Variants in WHAMM observed in about 807,000 individuals in gnomAD.
The protein encoded by WHAMM is WASP homolog-associated protein with actin, membranes and microtubules.
Under a neutral mutation model 76.5 loss-of-function variants are expected in WHAMM, and 67 were observed. That is an observed-to-expected ratio of 0.88 (90% CI 0.72 to 1.07). The LOEUF (loss-of-function observed/expected upper bound fraction) is 1.07, where lower values mean the gene tolerates loss of function less well. Among genes scored for constraint, WHAMM ranks in the 50% least tolerant of loss-of-function variants. The pLI is 0.00. For missense variants in WHAMM, 1,021 were observed against 1,051.1 expected (o/e 0.97, Z 0.40); for synonymous variants, 419 against 422.1 (o/e 0.99, Z 0.09).
Position 82,809,972 on chromosome 15 carries a change from C to G in WHAMM, c.246C>G (p.Leu82=), listed in dbSNP as rs1047821588. Residue 82 remains leucine, a synonymous_variant, in exon 1 of 10, where the codon CTC becomes CTG. Transcript: ENST00000286760. ...CCCCGTCCAGCTGGGCCGGCCTGCTCTCGGCCGCGGGGCTCCGCGGCGCGC... is the reference window on the plus strand; with the variant it reads ...CCCCGTCCAGCTGGGCCGGCCTGCTGTCGGCCGCGGGGCTCCGCGGCGCGC... ...AVSPSSWAGL[L]SAAGLRGAHR... is the part of the protein sequence containing the mutation. 1.5e-6 allele frequency: 2 copies of G among 1,315,080 alleles called. No individual in the cohort carries two copies. The highest frequency in any genetic ancestry group is 1.9e-6 in the Non-Finnish European group (2 of 1,032,340). 81.5% of individuals were successfully genotyped at this position (1,315,080 alleles called of 1,614,324 possible).
intron 5 of WHAMM, among the ~76,000 whole-genome samples, chr15:82,822,158 T>TA (rs949416085): frequency 2.0e-5 from 3 of 152,026 alleles, no homozygotes; most frequent in African/African-American, 7.2e-5. Flanking sequence ...AGCATGGCTT[T>TA]AAAAAAAATC....
chr15:82,816,145 A>T (rs1359460779), intron 2 of WHAMM, among the ~76,000 whole-genome samples: 1 of 152,186 alleles, frequency 6.6e-6, no homozygotes. Context: ...CTCATGACCT[A>T]ATTACCCCCC....
chr15:82,828,190 A>G (rs1222325397), intron 8 of WHAMM, among the ~76,000 whole-genome samples: 1 of 152,204 alleles, frequency 6.6e-6, no homozygotes. Flanking sequence ...GCCTTGTGAG[A>G]TAGTTTCATC....
chr15:82,810,482 A>G, intron 1 of WHAMM, 147 bp downstream of exon 1: 1 of 1,224,872 alleles, frequency 8.2e-7, no homozygotes, highest in Non-Finnish European at 1.0e-6. Flanking sequence ...CAGTGCCGTC[A>G]CCTGCGCGGG....
At chr15:82,815,134 T>TATATAC (rs2050702219) in intron 2 of WHAMM, among the ~76,000 whole-genome samples, 1 of 33,642 alleles carries the variant, frequency 3.0e-5, no homozygotes, top group Non-Finnish European at 5.0e-5. Context: ...TATATATATA[T>TATATAC]ATATATATAT....
At position 82,824,025 on chromosome 15, in the gene WHAMM, T is replaced by C. The variant is rs562006600; in HGVS notation, c.1458+738T>C. 1.9e-3 allele frequency among the ~76,000 whole-genome samples: 282 copies of C among 152,266 alleles called. 2 individuals carry two copies. Among genetic ancestry groups the C allele is most frequent in the Non-Finnish European group, 1.1e-3 (76 of 68,016 alleles). On this transcript the variant is annotated intron_variant, in intron 6 of 9. Coordinates refer to ENST00000286760, the MANE Select transcript of WHAMM (RefSeq NM_001080435.3). ...CATTATATTTGGTGATTTTTTTTCT[T>C]AATTTTAAAAAATCCATGAATACAT...
rs1005473765 is a variant in WHAMM, at chr15:82,834,845, G to T, written c.*1309G>T. 2 of 152,138 alleles carry T rather than the reference G, an allele frequency of 1.3e-5. No homozygotes were observed. The highest frequency in any genetic ancestry group is 4.8e-5 in the African/African-American group (2 of 41,438). 9.4% of individuals were successfully genotyped at this position (152,138 alleles called of 1,614,324 possible). A position where few individuals can be genotyped will look rare whatever the true frequency, so the allele number is the denominator to read the frequency against. On this transcript the variant is annotated 3_prime_UTR_variant, in exon 10 of 10. Transcript: ENST00000286760. ...TTAATAAAATTTTAGCTAAACATTT[G>T]TTTAAGTGAATACTAAGGATGGAGC...
chr15:82,810,906 TGA>T (rs2050617087), intron 1 of WHAMM, among the ~76,000 whole-genome samples: 1 of 152,082 alleles, frequency 6.6e-6, no homozygotes, highest in African/African-American at 2.4e-5. Flanking sequence ...AGAGGTAGTT[TGA>T]GAGAGAGTAA....
chr15:82,813,788 C>T (rs2050673718), intron 2 of WHAMM, among the ~76,000 whole-genome samples: 2 of 149,754 alleles, frequency 1.3e-5, no homozygotes, highest in Non-Finnish European at 3.0e-5. Context: ...TCCTGAGTAG[C>T]TGGGATTACA....
Position 82,833,900 on chromosome 15 carries a change from A to G in WHAMM, c.*364A>G, listed in dbSNP as rs769486961. ...GACTACAGGCGCCACCACCTTGCCCAACTAATTTTTTGTATTTTTTAGTAG... is the reference window on the plus strand; with the variant it reads ...GACTACAGGCGCCACCACCTTGCCCGACTAATTTTTTGTATTTTTTAGTAG... On this transcript the variant is annotated 3_prime_UTR_variant, in exon 10 of 10. Transcript: ENST00000286760. 5 of 196,216 alleles carry G rather than the reference A, an allele frequency of 2.5e-5. No homozygotes were observed. The highest frequency in any genetic ancestry group is 3.2e-5 in the Non-Finnish European group (3 of 94,346). The allele number at this position is 196,216 out of a possible 1,614,324, so 12.2% of individuals were successfully genotyped here.
Position 82,809,632 on chromosome 15 carries a change from C to A in WHAMM, c.-95C>A. ...GGCACTGACGCGGTTTCGATTCTAGCGAAAAATGATTTGGCTCGGACTGTC... is the reference window on the plus strand; with the variant it reads ...GGCACTGACGCGGTTTCGATTCTAGAGAAAAATGATTTGGCTCGGACTGTC... On this transcript the variant is annotated 5_prime_UTR_variant, in exon 1 of 10. Transcript: ENST00000286760. The A allele has an allele frequency of 8.9e-7, 1 of 1,123,630 alleles. No individual in the cohort carries two copies. The highest frequency in any genetic ancestry group is 1.1e-6 in the Non-Finnish European group (1 of 871,070). The allele number at this position is 1,123,630 out of a possible 1,614,324, so 69.6% of individuals were successfully genotyped here.
chr15:82,810,070 G>A lies in WHAMM; in HGVS notation c.344G>A (p.Gly115Asp). The change falls in exon 1 of 10, where the codon GGC becomes GAC. Residue 115 changes from glycine (G) to aspartate (D), a missense_variant. Gly to Asp is a moderately conservative substitution (Grantham distance 94). Around this residue, in one of 3 missense-constraint regions of WHAMM, gnomAD observed 501 missense variants for 524.9 expected, o/e 0.95. Coordinates refer to ENST00000286760, the MANE Select transcript of WHAMM (RefSeq NM_001080435.3). Reference protein sequence around the residue: ...FPRLPPELDVGGGGAWGLGLG... With the variant: ...FPRLPPELDVDGGGAWGLGLG... ...CGGCTGCCGCCGGAGCTGGACGTGG[G>A]CGGCGGCGGGGCCTGGGGTCTGGGG... is the stretch of plus-strand genomic sequence containing the variant. The A allele has an allele frequency of 1.6e-6, 2 of 1,215,076 alleles. No individual in the cohort carries two copies. Among genetic ancestry groups the A allele is most frequent in the Non-Finnish European group, 2.0e-6 (2 of 980,468 alleles). The allele number at this position is 1,215,076 out of a possible 1,614,324, so 75.3% of individuals were successfully genotyped here. A position where few individuals can be genotyped will look rare whatever the true frequency, so the allele number is the denominator to read the frequency against.
At chr15:82,818,124 A>G (rs1566993287) in intron 4 of WHAMM, 35 bp downstream of exon 4, 14 of 1,514,460 alleles carry the variant, frequency 9.2e-6, no homozygotes, top group East Asian at 2.5e-5. Flanking sequence ...TGTTTTAAAA[A>G]TACACTTTTA....
chr15:82,833,547 G>C lies in WHAMM; in HGVS notation c.*11G>C. On this transcript the variant is annotated 3_prime_UTR_variant, in exon 10 of 10. Transcript: ENST00000286760. ...CAGTGGGATGGTTAGGCTCAAGTTT[G>C]ACAAAGGCACCTGCCACAGTAGGCT... 6.2e-7 allele frequency: 1 copy of C among 1,610,698 alleles called. No individual in the cohort carries two copies. Among genetic ancestry groups the C allele is most frequent in the Non-Finnish European group, 8.5e-7 (1 of 1,178,666 alleles).
rs759886986 is a variant in WHAMM, at chr15:82,833,280, G to GGAAGGTGGAAGTGCC, written c.2176_2190dup (p.Lys726_Pro730dup). 42 of 1,614,000 alleles carry GGAAGGTGGAAGTGCC rather than the reference G, an allele frequency of 2.6e-5. No individual in the cohort carries two copies. The Admixed American group carries it at 3.0e-4, about 12-fold the overall frequency. On this transcript the variant is annotated inframe_insertion, in exon 10 of 10. Transcript: ENST00000286760. Reference sequence around the variant, plus strand: ...TTAAGGCATGGCAGAGCTCCTCTCCGGAAGGTGGAAGTGCCGGCGGTGCGC... The same window carrying GGAAGGTGGAAGTGCC: ...TTAAGGCATGGCAGAGCTCCTCTCCGGAAGGTGGAAGTGCCGAAGGTGGAAGTGCCGGCGGTGCGC...
chr15:82,809,981 G>A lies in WHAMM; in HGVS notation c.255G>A (p.Ala85=), dbSNP rs911892076. Residue 85 remains alanine (A), a synonymous_variant, in exon 1 of 10, where the codon GCG becomes GCA. Transcript: ENST00000286760. ...GCTGGGCCGGCCTGCTCTCGGCCGCGGGGCTCCGCGGCGCGCACCGGCAGT... is the reference window on the plus strand; with the variant it reads ...GCTGGGCCGGCCTGCTCTCGGCCGCAGGGCTCCGCGGCGCGCACCGGCAGT... ...PSSWAGLLSA[A]GLRGAHRQLA... is the part of the protein sequence containing the mutation. 4 of 1,287,956 alleles carry A rather than the reference G, an allele frequency of 3.1e-6. No individual in the cohort carries two copies. Among genetic ancestry groups the A allele is most frequent in the East Asian group, 6.4e-5 (2 of 31,376 alleles). The allele number at this position is 1,287,956 out of a possible 1,614,324, so 79.8% of individuals were successfully genotyped here.
rs77416013 is a variant in WHAMM at position 82,835,622 on chromosome 15, T to C, written c.*2086T>C. ...CTTTTCAGAATGCAAATCCAACTCC[T>C]GTGTATGAATGAATGTGCCTCACTG... On this transcript the variant is annotated 3_prime_UTR_variant, in exon 10 of 10. Coordinates refer to ENST00000286760, the MANE Select transcript of WHAMM (RefSeq NM_001080435.3). 4,635 of 152,490 alleles carry C rather than the reference T, an allele frequency of 0.03. 85 individuals carry two copies. The highest frequency in any genetic ancestry group is 0.046 in the Non-Finnish European group (3,152 of 68,168). The allele number at this position is 152,490 out of a possible 1,614,324, so 9.4% of individuals were successfully genotyped here.
At position 82,834,077 on chromosome 15, in the gene WHAMM, A is replaced by C. The variant is rs1255210904; in HGVS notation, c.*541A>C. On this transcript the variant is annotated 3_prime_UTR_variant, in exon 10 of 10. Coordinates refer to ENST00000286760, the MANE Select transcript of WHAMM (RefSeq NM_001080435.3). The stretch of plus-strand genomic sequence containing the variant: ...TCTTTTGAGACAGAATCTCTCTGTC[A>C]TCCAGGCTAGAGTGCAGTGGCACGA... 6.6e-6 allele frequency: 1 copy of C among 151,634 alleles called. No homozygotes were observed. Among genetic ancestry groups the C allele is most frequent in the Non-Finnish European group, 1.4e-5 (1 of 69,360 alleles). The allele number at this position is 151,634 out of a possible 1,614,324, so 9.4% of individuals were successfully genotyped here.
intron 5 of WHAMM, among the ~76,000 whole-genome samples, chr15:82,822,899 G>C (rs1277121758): frequency 2.7e-5 from 4 of 147,022 alleles, no homozygotes; most frequent in Non-Finnish European, 6.0e-5. Flanking sequence ...ATACACACAT[G>C]CTACTTACAT....
Sources: gnomAD v4.1 joint callset for allele counts (sites outside exome capture counted in the v4.1 genomes callset) on GRCh38, gnomAD v4.1.1 for gene constraint, gnomAD v4.1.1 regional missense constraint, MANE v1.5 for transcripts, NCBI Gene and HGNC (gene_info 2026-07-23, HGNC 2026-07-21) for gene names.